The following PCDH15 variants were observed in gnomAD, a reference collection of about 807,000 sequenced individuals.
PCDH15 encodes protocadherin related 15, also known as protocadherin-15.
Under a neutral mutation model 178.5 loss-of-function variants are expected in PCDH15, and 129 were observed. The observed-to-expected ratio is 0.72, with a 90% CI of 0.63 to 0.84. The LOEUF (loss-of-function observed/expected upper bound fraction) is 0.84. PCDH15 is among the 40% of genes least tolerant of loss of function. The pLI is 0.00. For missense variants in PCDH15, 2,230 were observed against 2,099.9 expected (o/e 1.06, Z -1.21); for synonymous variants, 800 against 732.0 (o/e 1.09, Z -1.50).
intron 3 of PCDH15, among the ~76,000 whole-genome samples, chr10:54,879,788 A>G (rs765007937): frequency 2.0e-5 from 3 of 151,888 alleles, no homozygotes; most frequent in African/African-American, 4.8e-5. Flanking sequence ...CTATAAATCC[A>G]TTAACAAATA....
chr10:54,170,060 C>T (rs926149462), intron 13 of PCDH15, among the ~76,000 whole-genome samples: 1 of 142,930 alleles, frequency 7.0e-6, no homozygotes, highest in Non-Finnish European at 1.5e-5. Context: ...TCTTCGCTTT[C>T]ACTTGGACTG....
intron 3 of PCDH15, among the ~76,000 whole-genome samples, chr10:54,896,071 G>C (rs1954539736): frequency 6.6e-6 from 1 of 152,016 alleles, no homozygotes; most frequent in South Asian, 2.1e-4. Flanking sequence ...ATTTTTAATA[G>C]AGACAGGGTT....
intron 20 of PCDH15, among the ~76,000 whole-genome samples, chr10:54,003,387 G>C (rs1197954000): frequency 1.3e-5 from 2 of 151,738 alleles, no homozygotes; most frequent in African/African-American, 4.8e-5. Context: ...AAAGAAGAGA[G>C]AAGACCCAAA....
intron 3 of PCDH15, among the ~76,000 whole-genome samples, chr10:54,404,309 G>T (rs917690850): frequency 8.6e-5 from 13 of 151,944 alleles, no homozygotes; most frequent in Admixed American, 2.0e-4. Flanking sequence ...CATGGTACTG[G>T]TACAAAAACA....
At chr10:54,329,526 T>C in intron 7 of PCDH15, 70 bp downstream of exon 7, 1 of 1,127,084 alleles carries the variant, frequency 8.9e-7, no homozygotes, top group South Asian at 1.2e-5. Flanking sequence ...CAAGAGTATC[T>C]GATACATTTT....
intron 15 of PCDH15, among the ~76,000 whole-genome samples, chr10:54,118,415 C>G (rs957159452): frequency 5.9e-5 from 9 of 152,112 alleles, no homozygotes; most frequent in African/African-American, 2.2e-4. Flanking sequence ...AATCCCAGCA[C>G]TTTGAGAGGC....
At chr10:55,562,437 T>C (rs1440124452) in intron 2 of PCDH15, among the ~76,000 whole-genome samples, 2 of 152,014 alleles carry the variant, frequency 1.3e-5, no homozygotes, top group Non-Finnish European at 2.9e-5. Flanking sequence ...TTTAGCCTAA[T>C]CTAACGTCAT....
chr10:54,441,134 C>T (rs1484922937), intron 3 of PCDH15, among the ~76,000 whole-genome samples: 1 of 151,908 alleles, frequency 6.6e-6, no homozygotes, highest in Non-Finnish European at 1.5e-5. Context: ...TCTCTGTTCA[C>T]TCTGTCCTTT....
At chr10:55,313,699 T>A (rs938438918) in intron 1 of PCDH15, among the ~76,000 whole-genome samples, 1 of 152,214 alleles carries the variant, frequency 6.6e-6, no homozygotes, top group African/African-American at 2.4e-5. Flanking sequence ...TATTGCACAT[T>A]CTATTATAAA....
chr10:55,339,290 T>C (rs1844485414), intron 2 of PCDH15, among the ~76,000 whole-genome samples: 1 of 150,534 alleles, frequency 6.6e-6, no homozygotes, highest in Admixed American at 6.7e-5. Flanking sequence ...CCATAACAAT[T>C]AACAACAACA....
In PCDH15 at chr10:55,028,091, G is replaced by T. The variant is rs557775183; in HGVS notation, c.-79-130591C>A. Among the ~76,000 whole-genome samples the T allele has an allele frequency of 9.9e-4, 150 of 151,728 alleles. 1 individual carries two copies. The Middle Eastern group carries it at 0.017, about 17-fold the overall frequency. ...ACTCATGTATTGACCACTTACTTTGGGATACATTTTCTGCTAAATATTTCC... is the reference window on the plus strand; with the variant it reads ...ACTCATGTATTGACCACTTACTTTGTGATACATTTTCTGCTAAATATTTCC... On this transcript the variant is annotated intron_variant, in intron 2 of 5. Transcript: ENST00000458638.
chr10:54,048,131 G>A (rs1565119126), intron 18 of PCDH15, among the ~76,000 whole-genome samples: 2 of 151,982 alleles, frequency 1.3e-5, no homozygotes, highest in African/African-American at 4.8e-5. Flanking sequence ...TCTCATTCTG[G>A]TTTTGATATG....
intron 18 of PCDH15, among the ~76,000 whole-genome samples, chr10:54,044,117 A>C (rs1173466709): frequency 6.6e-6 from 1 of 152,072 alleles, no homozygotes; most frequent in Middle Eastern, 3.2e-3. Flanking sequence ...ATAGATCTTG[A>C]TTATGTTGGA....
At chr10:55,246,040 A>C (rs1000592263) in intron 1 of PCDH15, among the ~76,000 whole-genome samples, 1 of 152,188 alleles carries the variant, frequency 6.6e-6, no homozygotes, top group African/African-American at 2.4e-5. Context: ...CAGCATCTGG[A>C]AAATCAATAA....
At chr10:54,538,737 C>T (rs2084863774) in intron 2 of PCDH15, among the ~76,000 whole-genome samples, 1 of 152,062 alleles carries the variant, frequency 6.6e-6, no homozygotes, top group African/African-American at 2.4e-5. Flanking sequence ...TATGTAGTAC[C>T]TTCCCCTTCA....
intron 1 of PCDH15, among the ~76,000 whole-genome samples, chr10:54,780,733 TAAAAAA>T (rs35494053): frequency 2.6e-5 from 3 of 114,330 alleles, no homozygotes; most frequent in Non-Finnish European, 5.6e-5. Flanking sequence ...AGCAATTGTG[TAAAAAA>T]AAAAAAAAAA....
At chr10:53,968,112 C>A (rs560804154) in intron 21 of PCDH15, among the ~76,000 whole-genome samples, 1 of 152,268 alleles carries the variant, frequency 6.6e-6, no homozygotes, top group South Asian at 2.1e-4. Context: ...ACAAGGGAAG[C>A]CATGACAGAT....
At chr10:54,339,649 T>C (rs1000026568) in intron 6 of PCDH15, among the ~76,000 whole-genome samples, 1 of 152,156 alleles carries the variant, frequency 6.6e-6, no homozygotes, top group Non-Finnish European at 1.5e-5. Flanking sequence ...TGATCAGGCT[T>C]CTGAATCTTC....
chr10:55,592,485 A>G (rs971410580), intron 2 of PCDH15, among the ~76,000 whole-genome samples: 2 of 152,184 alleles, frequency 1.3e-5, no homozygotes, highest in African/African-American at 4.8e-5. Flanking sequence ...GGATTTTAGT[A>G]AATTATTTAC....
Sources: allele counts gnomAD v4.1 joint callset (sites outside exome capture counted in the v4.1 genomes callset), GRCh38; gene constraint gnomAD v4.1.1; transcripts MANE v1.5; gene names NCBI Gene and HGNC (gene_info 2026-07-23, HGNC 2026-07-21).